Variants in MYO16 observed in about 807,000 individuals in gnomAD.
MYO16 encodes unconventional myosin-XVI.
MYO16 carries 94 observed loss-of-function variants against 205.3 expected under a neutral mutation model. The observed-to-expected ratio is 0.46, with a 90% CI of 0.39 to 0.54. The LOEUF (loss-of-function observed/expected upper bound fraction) is 0.54. Among genes scored for constraint, MYO16 ranks in the 20% least tolerant of loss-of-function variants. MYO16 has a pLI of 0.00. For synonymous variants in MYO16, 988 were observed against 954.0 expected (o/e 1.04, Z -0.66); for missense variants, 2,315 against 2,387.5 (o/e 0.97, Z 0.63).
intron 12 of MYO16, among the ~76,000 whole-genome samples, chr13:108,882,262 C>T (rs554255110): frequency 2.0e-5 from 3 of 152,262 alleles, no homozygotes; most frequent in Admixed American, 6.5e-5. Context: ...CAAGAGACCT[C>T]GTTCAGGATT....
chr13:108,970,991 A>G (rs1460739892), intron 20 of MYO16, among the ~76,000 whole-genome samples: 2 of 152,218 alleles, frequency 1.3e-5, no homozygotes, highest in Non-Finnish European at 2.9e-5. Context: ...TAATTTTTAT[A>G]AAGGATATCA....
intron 1 of MYO16, among the ~76,000 whole-genome samples, chr13:108,645,708 A>G (rs573622265): frequency 6.6e-6 from 1 of 152,218 alleles, no homozygotes; most frequent in African/African-American, 2.4e-5. Context: ...GGAGGGTGAT[A>G]GATCAGGAGG....
intron 1 of MYO16, among the ~76,000 whole-genome samples, chr13:108,636,350 T>C (rs1258193698): frequency 5.8e-4 from 13 of 22,520 alleles, no homozygotes; most frequent in African/African-American, 2.7e-3. Flanking sequence ...ATTTCCCTTT[T>C]TTTTTTTTTT....
intron 1 of MYO16, among the ~76,000 whole-genome samples, chr13:108,630,286 T>G (rs1177060552): frequency 6.6e-6 from 1 of 152,214 alleles, no homozygotes; most frequent in Non-Finnish European, 1.5e-5. Context: ...GTCTCAAGTT[T>G]TACTGCTTAA....
chr13:109,012,049 G>A (rs753028122), intron 22 of MYO16, among the ~76,000 whole-genome samples: 10 of 152,132 alleles, frequency 6.6e-5, no homozygotes, highest in Admixed American at 3.9e-4. Flanking sequence ...AAAGCACAGT[G>A]AGAACGATTA....
chr13:109,185,395 G>GC (rs1879640957), intron 34 of MYO16, among the ~76,000 whole-genome samples: 2 of 151,674 alleles, frequency 1.3e-5, no homozygotes, highest in Non-Finnish European at 2.9e-5. Context: ...TACTGTAGGT[G>GC]CTTAAAAAAA....
intron 1 of MYO16, among the ~76,000 whole-genome samples, chr13:108,661,860 T>C (rs2139425084): frequency 6.6e-6 from 1 of 152,284 alleles, no homozygotes; most frequent in Non-Finnish European, 1.5e-5. Context: ...TTGAAGAGCC[T>C]TGTTTTGTCA....
chr13:108,565,298 A>G, the MYO16 span, among the ~76,000 whole-genome samples: 231 of 152,258 alleles, frequency 1.5e-3, no homozygotes, highest in Non-Finnish European at 2.7e-3. Context: ...AATATTAATT[A>G]TTGCAATCCA....
chr13:108,594,429 C>T (rs773138127), upstream of MYO16, among the ~76,000 whole-genome samples: 6 of 152,206 alleles, frequency 3.9e-5, no homozygotes, highest in Non-Finnish European at 8.8e-5. Flanking sequence ...CACTCTTTCC[C>T]TCCTTCACAA....
chr13:108,607,313 C>T (rs76705515), intron 1 of MYO16, among the ~76,000 whole-genome samples: 8,661 of 152,180 alleles, frequency 0.057, 332 homozygotes, highest in Admixed American at 0.11. Context: ...TATGTGTCCC[C>T]ACCCAAATCT....
chr13:108,509,875 C>T, the MYO16 span, among the ~76,000 whole-genome samples: 12 of 151,978 alleles, frequency 7.9e-5, no homozygotes, highest in African/African-American at 2.9e-4. Flanking sequence ...TCTTTTTCTT[C>T]CCCCGCCCAA....
At chr13:108,911,034 AAC>A (rs113296282) in intron 16 of MYO16, among the ~76,000 whole-genome samples, 1,468 of 138,538 alleles carry the variant, frequency 0.011, 24 homozygotes, top group African/African-American at 0.036. Context: ...TATAGGAGAA[AAC>A]ACACACACAC....
chr13:108,805,071 C>T (rs1887073356), intron 6 of MYO16, among the ~76,000 whole-genome samples: 1 of 152,110 alleles, frequency 6.6e-6, no homozygotes, highest in Admixed American at 6.6e-5. Context: ...CAGATTATTG[C>T]ATATAGCACA....
chr13:108,629,251 G>A (rs1879864503), upstream of MYO16: 3 of 152,232 alleles, frequency 2.0e-5, no homozygotes, highest in South Asian at 4.1e-4. Flanking sequence ...ATTCTAAGAG[G>A]TGGCTATTTT....
intron 4 of MYO16, among the ~76,000 whole-genome samples, chr13:108,764,395 C>A (rs892855249): frequency 1.3e-5 from 2 of 152,044 alleles, no homozygotes; most frequent in Non-Finnish European, 2.9e-5. Context: ...TGTATATCCT[C>A]AGAGCAGATA....
chr13:108,635,583 C>T (rs926285362), intron 1 of MYO16, among the ~76,000 whole-genome samples: 3 of 151,890 alleles, frequency 2.0e-5, no homozygotes, highest in African/African-American at 7.3e-5. Context: ...TCACTGCAAC[C>T]TCTGCCTCCC....
rs563883683 is a variant in MYO16 at position 109,140,910 on chromosome 13, G to A, written c.4698G>A (p.Lys1566=). 9 of 1,578,470 alleles carry A rather than the reference G, an allele frequency of 5.7e-6. No individual in the cohort carries two copies. In the African/African-American group the frequency reaches 7.0e-5, roughly 12 times the overall value. ...GSSPLSPQYS[K]SQKGDGDRPA... ...GCCCGCTGTCCCCGCAGTACTCCAA[G>A]AGCCAGAAGGGCGACGGCGACAGGC... The change falls in exon 32 of 35, where the codon AAG becomes AAA. Residue 1566 remains lysine, a synonymous_variant. Transcript: ENST00000457511. The surrounding 1 kb of genome is among the most constrained non-coding windows in gnomAD (Gnocchi z 8.0).
intron 2 of MYO16, among the ~76,000 whole-genome samples, chr13:108,679,711 C>CAAAA (rs5806751): frequency 1.5e-5 from 2 of 136,094 alleles, no homozygotes; most frequent in Non-Finnish European, 3.2e-5. Flanking sequence ...CTTGGTTCTG[C>CAAAA]AAAAAAAAAA....
At chr13:108,644,056 T>A (rs1880628290) in intron 1 of MYO16, among the ~76,000 whole-genome samples, 1 of 152,238 alleles carries the variant, frequency 6.6e-6, no homozygotes, top group African/African-American at 2.4e-5. Flanking sequence ...GTGTCCATTA[T>A]GTCCTGGGCC....
Sources: gnomAD v4.1 joint callset for allele counts (sites outside exome capture counted in the v4.1 genomes callset) on GRCh38, gnomAD v4.1.1 for gene constraint, Gnocchi (gnomAD v3.1) non-coding constraint, MANE v1.5 for transcripts, NCBI Gene and HGNC (gene_info 2026-07-23, HGNC 2026-07-21) for gene names.